XPC: variants seen among roughly 807,000 people sequenced by gnomAD.
XPC encodes the protein DNA repair protein complementing XP-C cells.
A neutral mutation model predicts 95.8 loss-of-function variants in XPC; 76 were observed. That is an observed-to-expected ratio of 0.79 (90% CI 0.66 to 0.96). The LOEUF is 0.96. Among genes scored for constraint, XPC ranks in the 40% least tolerant of loss-of-function variants. XPC has a pLI of 0.00. For missense variants in XPC, 1,146 were observed against 1,179.8 expected (o/e 0.97, Z 0.42); for synonymous variants, 442 against 442.1 (o/e 1.00, Z 0.00).
At chr3:14,161,048 G>A (rs1476923223) in intron 7 of XPC, among the ~76,000 whole-genome samples, 1 of 152,144 alleles carries the variant, frequency 6.6e-6, no homozygotes, top group Non-Finnish European at 1.5e-5. Flanking sequence ...AAAAAAATCA[G>A]GTTACAGAAC....
intron 6 of XPC, 128 bp from the exon 7 acceptor site, chr3:14,165,061 C>A: frequency 7.3e-7 from 1 of 1,366,798 alleles, no homozygotes; most frequent in Non-Finnish European, 9.7e-7. Flanking sequence ...TTTCCCCAGC[C>A]CGTCTAGCTA....
rs773086356 is a variant in XPC, at chr3:14,164,892, C to T, written c.821G>A (p.Ser274Asn). The T allele has an allele frequency of 3.7e-6, 6 of 1,612,688 alleles. No individual in the cohort carries two copies. In the South Asian group the frequency reaches 6.6e-5, roughly 18 times the overall value. ...TGTAGTCTGCAGGTTATCTTGTTCACTGGCTGAAAGTTCTGCATTAACTGT... is the reference window on the plus strand; with the variant it reads ...TGTAGTCTGCAGGTTATCTTGTTCATTGGCTGAAAGTTCTGCATTAACTGT... Reference protein sequence around the residue: ...TFTVNAELSASEQDNLQTTLE... With the variant: ...TFTVNAELSANEQDNLQTTLE... Residue 274 changes from serine (S) to asparagine (N), a missense_variant, in exon 7 of 16, where the codon AGT becomes AAT. Ser to Asn is a conservative substitution (Grantham distance 46). Coordinates refer to ENST00000285021, the MANE Select transcript of XPC (RefSeq NM_004628.5).
intron 1 of XPC, among the ~76,000 whole-genome samples, chr3:14,173,547 T>C (rs1696695776): frequency 6.6e-6 from 1 of 152,208 alleles, no homozygotes; most frequent in South Asian, 2.1e-4. Flanking sequence ...TCAAAACACA[T>C]ACTGCTCTGA....
intron 1 of XPC, among the ~76,000 whole-genome samples, chr3:14,175,828 C>A (rs1696792995): frequency 6.6e-6 from 1 of 152,230 alleles, no homozygotes; most frequent in African/African-American, 2.4e-5. Context: ...GCAGCCCAAA[C>A]CATACTTGCT....
rs963324120 is a variant in XPC at position 14,145,464 on chromosome 3, G to GC, written c.*476dup. ...AGCCTGACTCAGGGGAAGGTAAGTGGCCTGCAGAGAAATGGTCCTAGGTCC... is the reference window on the plus strand; with the variant it reads ...AGCCTGACTCAGGGGAAGGTAAGTGGCCCTGCAGAGAAATGGTCCTAGGTCC... On this transcript the variant is annotated 3_prime_UTR_variant, in exon 16 of 16. Coordinates refer to ENST00000285021, the MANE Select transcript of XPC (RefSeq NM_004628.5). The GC allele has an allele frequency of 4.2e-5, 29 of 695,398 alleles. No individual in the cohort carries two copies. The highest frequency in any genetic ancestry group is 6.8e-5 in the Non-Finnish European group (26 of 380,966). 43.1% of individuals were successfully genotyped at this position (695,398 alleles called of 1,614,324 possible).
At chr3:14,176,055 C>T (rs535998161) in intron 1 of XPC, among the ~76,000 whole-genome samples, 5 of 152,284 alleles carry the variant, frequency 3.3e-5, no homozygotes, top group African/African-American at 1.2e-4. Context: ...TGCTATCCCA[C>T]TGAAAACTCA....
intron 8 of XPC, 78 bp downstream of exon 8, chr3:14,159,663 A>G (rs1386194802): frequency 1.5e-6 from 2 of 1,365,286 alleles, no homozygotes; most frequent in Non-Finnish European, 2.0e-6. Context: ...CTTAAAAAAT[A>G]TAATAATGAT....
At chr3:14,163,671 G>C (rs911239345) in intron 7 of XPC, among the ~76,000 whole-genome samples, 32 of 152,332 alleles carry the variant, frequency 2.1e-4, no homozygotes, top group African/African-American at 7.5e-4. Flanking sequence ...TTTGGAAATA[G>C]AGGTGGTAGT....
At chr3:14,154,550 A>T (rs1360095960) in intron 10 of XPC, among the ~76,000 whole-genome samples, 2 of 152,174 alleles carry the variant, frequency 1.3e-5, no homozygotes, top group Non-Finnish European at 2.9e-5. Flanking sequence ...TCACGATGTG[A>T]CTATAAATAC....
At chr3:14,150,192 G>A (rs1695631132) in intron 11 of XPC, among the ~76,000 whole-genome samples, 1 of 152,370 alleles carries the variant, frequency 6.6e-6, no homozygotes, top group East Asian at 1.9e-4. Flanking sequence ...GAGGGGCGCA[G>A]GACAGGCAAG....
intron 10 of XPC, among the ~76,000 whole-genome samples, chr3:14,155,794 G>A (rs1487870201): frequency 1.6e-4 from 24 of 152,186 alleles, no homozygotes; most frequent in African/African-American, 5.8e-4. Context: ...TCCTGACCTC[G>A]GGATCCGCCC....
At chr3:14,170,339 A>G in intron 3 of XPC, 99 bp downstream of exon 3, 1 of 1,184,528 alleles carries the variant, frequency 8.4e-7, no homozygotes, top group Non-Finnish European at 1.2e-6. Flanking sequence ...AGCTCAAAAG[A>G]AAACAAAAGG....
At chr3:14,155,494 CTCT>C (rs1695865451) in intron 10 of XPC, among the ~76,000 whole-genome samples, 1 of 151,742 alleles carries the variant, frequency 6.6e-6, no homozygotes, top group Non-Finnish European at 1.5e-5. Context: ...TCTTATTCCA[CTCT>C]TTTTTTAGCT....
chr3:14,160,533 T>C (rs1165759832), intron 7 of XPC, among the ~76,000 whole-genome samples: 1 of 152,206 alleles, frequency 6.6e-6, no homozygotes, highest in African/African-American at 2.4e-5. Context: ...TGAGAAGCCA[T>C]TGTTATGGTG....
At chr3:14,150,628 T>C (rs995355961) in intron 11 of XPC, among the ~76,000 whole-genome samples, 24 of 152,206 alleles carry the variant, frequency 1.6e-4, no homozygotes, top group Non-Finnish European at 4.4e-5. Context: ...TCTTTGCTCT[T>C]AGGAGCTCAG....
intron 7 of XPC, among the ~76,000 whole-genome samples, chr3:14,164,135 C>G (rs1248171076): frequency 6.6e-6 from 1 of 152,138 alleles, no homozygotes; most frequent in Non-Finnish European, 1.5e-5. Flanking sequence ...CTTGTTAAAG[C>G]CAACACGGAA....
Position 14,178,465 on chromosome 3 carries a change from C to CCCT in XPC, c.101_103dup (p.Glu34dup), listed in dbSNP as rs750450365. 3.8e-5 allele frequency: 61 copies of CCCT among 1,603,058 alleles called. No individual in the cohort carries two copies. The highest frequency in any genetic ancestry group is 4.8e-5 in the Non-Finnish European group (56 of 1,174,070). On this transcript the variant is annotated inframe_insertion and splice_region_variant. Transcript: ENST00000285021. ...CGAAGCCCGCTGGGCCTCGCTCTCA[C>CCCT]CCTCCTCCTCCTCCTCACGCCGGGC...
intron 11 of XPC, chr3:14,149,723 G>A (rs1574951537): frequency 6.6e-6 from 1 of 152,254 alleles, no homozygotes; most frequent in East Asian, 1.9e-4. Flanking sequence ...GCCTCCGAAA[G>A]TGCTGGAATT....
chr3:14,170,631 A>C, intron 2 of XPC, 81 bp from the exon 3 acceptor site: 1 of 1,031,838 alleles, frequency 9.7e-7, no homozygotes, highest in Non-Finnish European at 1.4e-6. Flanking sequence ...AATTTTTAAA[A>C]CCCCTCCTAT....
Sources: allele counts gnomAD v4.1 joint callset (sites outside exome capture counted in the v4.1 genomes callset), GRCh38; gene constraint gnomAD v4.1.1; transcripts MANE v1.5; gene names NCBI Gene and HGNC (gene_info 2026-07-23, HGNC 2026-07-21).